HHIPL1: variants seen among roughly 807,000 people sequenced by gnomAD.
HHIPL1 encodes the protein HHIP like 1.
HHIPL1 carries 43 observed loss-of-function variants against 61.8 expected under a neutral mutation model. That is an observed-to-expected ratio of 0.70 (90% CI 0.55 to 0.90). The LOEUF (loss-of-function observed/expected upper bound fraction) is 0.90. Among genes scored for constraint, HHIPL1 ranks in the 40% least tolerant of loss-of-function variants. The pLI is 0.00. For synonymous variants in HHIPL1, 482 were observed against 515.8 expected (o/e 0.93, Z 0.89); for missense variants, 1,056 against 1,157.7 (o/e 0.91, Z 1.28).
At position 99,660,146 on chromosome 14, in the gene HHIPL1, CACGCCAGCCCTGCTGTGGG is replaced by C; in HGVS notation, c.1376-133_1376-115del. The stretch of plus-strand genomic sequence containing the variant: ...TCCACCACGCCAGCCCTGCTGTGGG[CACGCCAGCCCTGCTGTGGG>C]CACGCCCCTCCCTCCGTGGCCGCCC... On this transcript the variant is annotated intron_variant, in intron 4 of 8. Coordinates refer to ENST00000330710, the MANE Select transcript of HHIPL1 (RefSeq NM_001127258.3). The surrounding 1 kb of genome is among the most constrained non-coding windows in gnomAD (Gnocchi z 4.9). 9.6e-7 allele frequency: 1 copy of C among 1,039,372 alleles called. No homozygotes were observed. The highest frequency in any genetic ancestry group is 1.4e-6 in the Non-Finnish European group (1 of 734,090). The allele number at this position is 1,039,372 out of a possible 1,614,324, so 64.4% of individuals were successfully genotyped here. A position where few individuals can be genotyped will look rare whatever the true frequency, so the allele number is the denominator to read the frequency against.
intron 1 of HHIPL1, among the ~76,000 whole-genome samples, chr14:99,649,192 C>A (rs1347237669): frequency 6.6e-6 from 1 of 152,210 alleles, no homozygotes; most frequent in Non-Finnish European, 1.5e-5. Flanking sequence ...GATTGGGACG[C>A]ACGGATGCCG....
chr14:99,669,225 C>T (rs374044635), intron 7 of HHIPL1: 79 of 1,194,264 alleles, frequency 6.6e-5, no homozygotes, highest in Middle Eastern at 3.4e-4. Flanking sequence ...GGGAATGGCA[C>T]GGAGCAGAGA....
chr14:99,675,161 G>A lies in HHIPL1; in HGVS notation c.1884G>A (p.Gly628=). Residue 628 remains glycine, a synonymous_variant, in exon 9 of 9, where the codon GGG becomes GGA. Transcript: ENST00000330710. This position sits in a 1 kb window ranked among gnomAD's most constrained non-coding sequence, Gnocchi z 5.4. ...CGCCCACGCGGGCGCCCCGCCGAGG[G>A]CGCCCCACGGCCGCTCCCCCCGCGC... is the stretch of plus-strand genomic sequence containing the variant. ...ARAPTRAPRR[G]RPTAAPPAPT... 1.8e-6 allele frequency: 2 copies of A among 1,102,734 alleles called. No homozygotes were observed. The highest frequency in any genetic ancestry group is 2.2e-6 in the Non-Finnish European group (2 of 898,772). 68.3% of individuals were successfully genotyped at this position (1,102,734 alleles called of 1,614,324 possible).
the HHIPL1 span, among the ~76,000 whole-genome samples, chr14:99,620,897 C>T: frequency 6.6e-6 from 1 of 152,254 alleles, no homozygotes; most frequent in Non-Finnish European, 1.5e-5. Context: ...CTGCCACCAG[C>T]TCACTTCCCC....
chr14:99,642,834 T>C (rs1217567880), upstream of HHIPL1, among the ~76,000 whole-genome samples: 1 of 151,250 alleles, frequency 6.6e-6, no homozygotes, highest in Non-Finnish European at 1.5e-5. Flanking sequence ...TTCATTTTTT[T>C]TCTTAAAGTG....
At chr14:99,640,241 A>T (rs985249169), upstream of HHIPL1, among the ~76,000 whole-genome samples, 5 of 152,234 alleles carry the variant, frequency 3.3e-5, no homozygotes, top group African/African-American at 1.2e-4. Flanking sequence ...GGGCTAGAGT[A>T]TGCAACACAT....
At chr14:99,626,825 G>A in the HHIPL1 span, among the ~76,000 whole-genome samples, 12 of 152,144 alleles carry the variant, frequency 7.9e-5, no homozygotes, top group African/African-American at 2.4e-4. Context: ...GCTCCTCTGC[G>A]CTCCCCTCTC....
Position 99,675,179 on chromosome 14 carries a change from C to T in HHIPL1, c.1902C>T (p.Pro634=), listed in dbSNP as rs531188003. 3.5e-6 allele frequency: 4 copies of T among 1,127,144 alleles called. No individual in the cohort carries two copies. The highest frequency in any genetic ancestry group is 4.4e-6 in the Non-Finnish European group (4 of 913,842). 69.8% of individuals were successfully genotyped at this position (1,127,144 alleles called of 1,614,324 possible). A position where few individuals can be genotyped will look rare whatever the true frequency, so the allele number is the denominator to read the frequency against. The change falls in exon 9 of 9, where the codon CCC becomes CCT. Residue 634 remains proline, a synonymous_variant. Coordinates refer to ENST00000330710, the MANE Select transcript of HHIPL1 (RefSeq NM_001127258.3). This position sits in a 1 kb window ranked among gnomAD's most constrained non-coding sequence, Gnocchi z 5.4. ...GCCGAGGGCGCCCCACGGCCGCTCCCCCCGCGCCAACCCCGCGGCCAGCGC... is the reference window on the plus strand; with the variant it reads ...GCCGAGGGCGCCCCACGGCCGCTCCTCCCGCGCCAACCCCGCGGCCAGCGC... ...APRRGRPTAA[P]PAPTPRPARP...
the HHIPL1 span, among the ~76,000 whole-genome samples, chr14:99,634,802 C>G: frequency 2.0e-5 from 3 of 152,136 alleles, no homozygotes; most frequent in Non-Finnish European, 4.4e-5. Context: ...GAAGGCAGGC[C>G]GAGAGCCAGG....
In HHIPL1 at chr14:99,652,673, C is replaced by A. The variant is rs1249073050; in HGVS notation, c.705C>A (p.Ile235=). 1 of 1,613,778 alleles carries A rather than the reference C, an allele frequency of 6.2e-7. No homozygotes were observed. The highest frequency in any genetic ancestry group is 2.2e-5 in the East Asian group (1 of 44,896). The change falls in exon 2 of 9, where the codon ATC becomes ATA. Residue 235 remains isoleucine (I), a synonymous_variant. Coordinates refer to ENST00000330710, the MANE Select transcript of HHIPL1 (RefSeq NM_001127258.3). ...GGCTGGGGAAGCCTTTCCTGAACAT[C>A]AGCCGGGTGGTGCTCACCTCGCCCT... ...RSRLGKPFLN[I]SRVVLTSPWE...
At chr14:99,605,354 G>C in the HHIPL1 span, among the ~76,000 whole-genome samples, 1 of 133,884 alleles carries the variant, frequency 7.5e-6, no homozygotes, top group Non-Finnish European at 1.6e-5. Context: ...CATTTACGGC[G>C]CGTCTACCGC....
In HHIPL1 at chr14:99,672,106, G is replaced by A. The variant is rs370337155; in HGVS notation, c.1731-211G>A. The stretch of plus-strand genomic sequence containing the variant: ...TCCAGCAGAGGCTGAGCGTGCAGCC[G>A]GTAGGCTGTTATAGGGGATTTATGC... On this transcript the variant is annotated intron_variant, in intron 7 of 8. Coordinates refer to ENST00000330710, the MANE Select transcript of HHIPL1 (RefSeq NM_001127258.3). 5.4e-4 allele frequency among the ~76,000 whole-genome samples: 82 copies of A among 152,344 alleles called. 2 individuals are homozygous for A. The South Asian group carries it at 0.015, about 27-fold the overall frequency.
the HHIPL1 span, among the ~76,000 whole-genome samples, chr14:99,609,454 C>T: frequency 6.6e-6 from 1 of 152,238 alleles, no homozygotes; most frequent in African/African-American, 2.4e-5. Flanking sequence ...GTCCAGGAAA[C>T]CCCATGCTTG....
the HHIPL1 span, among the ~76,000 whole-genome samples, chr14:99,632,151 A>G: frequency 2.6e-5 from 4 of 152,222 alleles, no homozygotes; most frequent in Admixed American, 6.5e-5. Flanking sequence ...TGCTGACCCC[A>G]GGTAGAGGCA....
At chr14:99,664,505 C>G in intron 6 of HHIPL1, among the ~76,000 whole-genome samples, 1 of 151,560 alleles carries the variant, frequency 6.6e-6, no homozygotes, top group Non-Finnish European at 1.5e-5. Flanking sequence ...GTGTGGAAAA[C>G]CAGGAGGAGG....
At chr14:99,637,039 GAA>G in the HHIPL1 span, among the ~76,000 whole-genome samples, 134 of 105,308 alleles carry the variant, frequency 1.3e-3, 2 homozygotes, top group Non-Finnish European at 1.8e-3. Flanking sequence ...AAGAAAGAAA[GAA>G]AGAAAGAAGG....
At chr14:99,651,036 C>A (rs1328498528) in intron 1 of HHIPL1, among the ~76,000 whole-genome samples, 1 of 152,172 alleles carries the variant, frequency 6.6e-6, no homozygotes, top group Non-Finnish European at 1.5e-5. Flanking sequence ...ATGGCTTGAG[C>A]TCAGGAGTTC....
chr14:99,666,269 G>A (rs772489729), intron 6 of HHIPL1, among the ~76,000 whole-genome samples: 3 of 152,210 alleles, frequency 2.0e-5, no homozygotes, highest in Non-Finnish European at 4.4e-5. Flanking sequence ...GAGGACAGGC[G>A]AAGGTCAGAG....
chr14:99,605,092 GC>G, the HHIPL1 span, among the ~76,000 whole-genome samples: 1 of 152,210 alleles, frequency 6.6e-6, no homozygotes, highest in Non-Finnish European at 1.5e-5. Context: ...CCTGCCCCCT[GC>G]CCGGAGCGGC....
Sources: allele counts gnomAD v4.1 joint callset (sites outside exome capture counted in the v4.1 genomes callset), GRCh38; gene constraint gnomAD v4.1.1; non-coding constraint Gnocchi (gnomAD v3.1); transcripts MANE v1.5; gene names NCBI Gene and HGNC (gene_info 2026-07-23, HGNC 2026-07-21).